The following CCDC192 variants were observed in gnomAD, a reference collection of about 807,000 sequenced individuals.
CCDC192 encodes coiled-coil domain-containing protein 192.
chr5:127,709,137 G>A (rs1276691371), intron 2 of CCDC192, among the ~76,000 whole-genome samples: 1 of 133,682 alleles, frequency 7.5e-6, no homozygotes, highest in African/African-American at 2.7e-5. Flanking sequence ...GAGGGAGAGG[G>A]AGGAGAGAAA....
At chr5:127,936,504 G>A (rs1427144241) in intron 6 of CCDC192, among the ~76,000 whole-genome samples, 7 of 152,034 alleles carry the variant, frequency 4.6e-5, no homozygotes, top group Admixed American at 6.6e-5. Context: ...AATTCCCACC[G>A]GCCATCCCCT....
chr5:127,935,225 A>G (rs543731905), intron 6 of CCDC192: 2 of 152,138 alleles, frequency 1.3e-5, no homozygotes, highest in Non-Finnish European at 2.9e-5. Flanking sequence ...ATTTTATCTT[A>G]TTTATTCTCT....
At chr5:127,734,059 G>A (rs186764934) in intron 2 of CCDC192, among the ~76,000 whole-genome samples, 11,281 of 144,652 alleles carry the variant, frequency 0.078, 969 homozygotes, top group East Asian at 0.23. Context: ...TATATCTCCC[G>A]ATGCTATCCC....
chr5:127,848,245 C>T (rs1310294283), intron 5 of CCDC192, among the ~76,000 whole-genome samples: 2 of 152,174 alleles, frequency 1.3e-5, no homozygotes, highest in Non-Finnish European at 2.9e-5. Flanking sequence ...CACGTGGTCA[C>T]ACAGGCTCAG....
chr5:127,824,183 C>A (rs1226802964), intron 5 of CCDC192, among the ~76,000 whole-genome samples: 2 of 152,180 alleles, frequency 1.3e-5, no homozygotes, highest in Non-Finnish European at 1.5e-5. Flanking sequence ...AAACAATTAG[C>A]AGCTGTGCTA....
chr5:127,721,824 A>G (rs1029105210), intron 2 of CCDC192, among the ~76,000 whole-genome samples: 6 of 152,162 alleles, frequency 3.9e-5, no homozygotes, highest in African/African-American at 1.2e-4. Context: ...CATGTCTTGC[A>G]TGGCTGGGGC....
chr5:127,710,314 C>G (rs248742), intron 2 of CCDC192, among the ~76,000 whole-genome samples: 46,985 of 151,760 alleles, frequency 0.31, 7,614 homozygotes, highest in South Asian at 0.43. Flanking sequence ...CATGAGGAAC[C>G]GAATTGCAGG....
At chr5:127,785,471 A>G in intron 3 of CCDC192, 1 of 231,600 alleles carries the variant, frequency 4.3e-6, no homozygotes. Context: ...GCTTTAACTT[A>G]GAGAACATGC....
At chr5:127,738,178 C>T (rs1202949557) in intron 2 of CCDC192, among the ~76,000 whole-genome samples, 21 of 151,380 alleles carry the variant, frequency 1.4e-4, no homozygotes, top group Non-Finnish European at 1.9e-4. Context: ...TTTATTTCTC[C>T]TTCACTTATG....
At position 127,788,126 on chromosome 5, in the gene CCDC192, A is replaced by G. The variant is rs139947202; in HGVS notation, c.223-8977A>G. Among the ~76,000 whole-genome samples, 304 of 150,394 alleles carry G rather than the reference A, an allele frequency of 2.0e-3. 1 individual carries two copies. Among genetic ancestry groups the G allele is most frequent in the African/African-American group, 7.2e-3 (295 of 40,952 alleles). On this transcript the variant is annotated intron_variant, in intron 3 of 6. Coordinates refer to ENST00000514853, the MANE Select transcript of CCDC192 (RefSeq NM_001317938.2). Reference sequence around the variant, plus strand: ...AAAGGGGGGGACTATTGAAGTCTCCAACTATTCTCACAAAAGTGTCTACTT... The same window carrying G: ...AAAGGGGGGGACTATTGAAGTCTCCGACTATTCTCACAAAAGTGTCTACTT...
intron 6 of CCDC192, among the ~76,000 whole-genome samples, chr5:127,879,103 T>G (rs185300134): frequency 6.6e-6 from 1 of 152,154 alleles, no homozygotes; most frequent in East Asian, 1.9e-4. Context: ...AAGGAGATTT[T>G]GGGCTGAGAC....
chr5:127,906,878 T>C (rs556501049), intron 6 of CCDC192, among the ~76,000 whole-genome samples: 43 of 152,362 alleles, frequency 2.8e-4, no homozygotes, highest in African/African-American at 9.9e-4. Flanking sequence ...CTAGGTCACA[T>C]GGTTGTTCTG....
At chr5:127,861,786 C>A (rs936831884) in intron 5 of CCDC192, among the ~76,000 whole-genome samples, 42 of 152,096 alleles carry the variant, frequency 2.8e-4, no homozygotes, top group Non-Finnish European at 5.9e-5. Flanking sequence ...TAAAAAATCC[C>A]ATTTGGCATT....
At chr5:127,726,896 A>T (rs576310669) in intron 2 of CCDC192, among the ~76,000 whole-genome samples, 14 of 152,340 alleles carry the variant, frequency 9.2e-5, no homozygotes, top group Admixed American at 8.5e-4. Flanking sequence ...CCAAGGGGCC[A>T]CCAGAGTGCT....
chr5:127,938,846 G>A (rs1407507133), intron 6 of CCDC192, among the ~76,000 whole-genome samples: 1 of 152,132 alleles, frequency 6.6e-6, no homozygotes, highest in Non-Finnish European at 1.5e-5. Context: ...CAAATGAAAG[G>A]AAAGGTGAGA....
chr5:127,934,317 C>T (rs1237922625), intron 6 of CCDC192, among the ~76,000 whole-genome samples: 1 of 152,184 alleles, frequency 6.6e-6, no homozygotes, highest in Non-Finnish European at 1.5e-5. Flanking sequence ...TAAAATATAA[C>T]TATTATAAGA....
At chr5:127,891,682 C>A (rs1580801423) in intron 6 of CCDC192, among the ~76,000 whole-genome samples, 1 of 152,160 alleles carries the variant, frequency 6.6e-6, no homozygotes, top group East Asian at 1.9e-4. Context: ...TCCTTTGATG[C>A]CTCATTTCTC....
chr5:127,877,265 C>T (rs939825154), intron 6 of CCDC192, among the ~76,000 whole-genome samples: 3 of 152,016 alleles, frequency 2.0e-5, no homozygotes, highest in African/African-American at 7.2e-5. Flanking sequence ...TTAAATAATA[C>T]TGAGGGACTA....
chr5:127,792,624 C>G (rs139143178), intron 3 of CCDC192, among the ~76,000 whole-genome samples: 1 of 151,160 alleles, frequency 6.6e-6, no homozygotes, highest in Non-Finnish European at 1.5e-5. Flanking sequence ...GAGGATGGCT[C>G]GAGCCCAGTA....
Sources: gnomAD v4.1 joint callset for allele counts (sites outside exome capture counted in the v4.1 genomes callset) on GRCh38, gnomAD v4.1.1 for gene constraint, MANE v1.5 for transcripts, NCBI Gene and HGNC (gene_info 2026-07-23, HGNC 2026-07-21) for gene names.